UMAD1: variants seen among roughly 807,000 people sequenced by gnomAD.
UMAD1 encodes UBAP1-MVB12-associated (UMA) domain containing 1, also known as UBAP1-MVB12-associated (UMA)-domain containing protein 1.
In UMAD1, 8 loss-of-function variants were observed where a neutral mutation model predicts 6.1. The observed-to-expected ratio is 1.30, with a 90% CI of 0.76 to 2.35. The LOEUF is 2.35. Among genes scored for constraint, UMAD1 ranks in the 30% most tolerant of loss-of-function variants. The probability of loss-of-function intolerance (pLI) is 0.00; values close to 1 mark genes in which losing one functional copy is unlikely to be tolerated. For synonymous variants in UMAD1, 56 were observed against 31.4 expected, an observed-to-expected ratio of 1.78 and a Z score of -2.61; for missense variants, 130 against 78.4, an observed-to-expected ratio of 1.66 and a Z score of -2.49.
rs143802549 is a variant in UMAD1, at chr7:7,649,022, G to C, written c.-64+8201G>C. 9.7e-3 allele frequency among the ~76,000 whole-genome samples: 1,473 copies of C among 152,112 alleles called. 32 individuals carry two copies. The highest frequency in any genetic ancestry group is 0.034 in the African/African-American group (1,416 of 41,480). ...AAAGTACAAAAATTAGCCAGGCATG[G>C]TGGCGGATGCCTGTAATCCCAGCTA... is the stretch of plus-strand genomic sequence containing the variant. On this transcript the variant is annotated intron_variant, in intron 1 of 3. Coordinates refer to ENST00000682710, the MANE Select transcript of UMAD1 (RefSeq NM_001302348.2).
intron 2 of UMAD1, among the ~76,000 whole-genome samples, chr7:7,758,375 C>T (rs1449450383): frequency 6.6e-6 from 1 of 152,038 alleles, no homozygotes; most frequent in Non-Finnish European, 1.5e-5. Flanking sequence ...TAGCGAAGAT[C>T]TTAAGAAAGT....
intron 3 of UMAD1, among the ~76,000 whole-genome samples, chr7:7,826,512 A>G (rs764166361): frequency 6.6e-6 from 1 of 152,020 alleles, no homozygotes; most frequent in Non-Finnish European, 1.5e-5. Context: ...ACTTCCCACC[A>G]TTTGTTATTT....
intron 3 of UMAD1, among the ~76,000 whole-genome samples, chr7:7,870,451 A>T (rs955388400): frequency 2.6e-5 from 4 of 152,204 alleles, no homozygotes; most frequent in African/African-American, 9.6e-5. Flanking sequence ...CAAAAGGTTA[A>T]TTGAGTCTTT....
At chr7:7,809,426 A>C (rs146376435) in intron 3 of UMAD1, among the ~76,000 whole-genome samples, 5 of 151,844 alleles carry the variant, frequency 3.3e-5, no homozygotes, top group African/African-American at 1.2e-4. Context: ...TTTTTAATGG[A>C]CAAGTAATAA....
At chr7:7,784,831 G>C (rs527604319) in intron 2 of UMAD1, among the ~76,000 whole-genome samples, 1 of 138,046 alleles carries the variant, frequency 7.2e-6, no homozygotes, top group African/African-American at 2.9e-5. Context: ...GCGCGATCTC[G>C]GCTCGCTGCA....
intron 1 of UMAD1, among the ~76,000 whole-genome samples, chr7:7,657,737 A>G (rs1785377099): frequency 6.6e-6 from 1 of 152,104 alleles, no homozygotes; most frequent in Non-Finnish European, 1.5e-5. Context: ...GTTTGAAGTC[A>G]GGTAGTGTGA....
chr7:7,663,109 T>C (rs967375349), intron 1 of UMAD1, among the ~76,000 whole-genome samples: 1 of 151,964 alleles, frequency 6.6e-6, no homozygotes, highest in East Asian at 1.9e-4. Context: ...TTAGTTACCA[T>C]GTATAATGCT....
intron 3 of UMAD1, among the ~76,000 whole-genome samples, chr7:7,876,727 G>A (rs1303923169): frequency 1.3e-5 from 2 of 152,162 alleles, no homozygotes; most frequent in Non-Finnish European, 2.9e-5. Context: ...ATAGTAAAGT[G>A]TGCAAGGTTG....
intron 3 of UMAD1, among the ~76,000 whole-genome samples, chr7:7,847,100 AAAAAATATATAT>A (rs1343563184): frequency 1.3e-4 from 5 of 38,432 alleles, no homozygotes; most frequent in African/African-American, 1.8e-4. Flanking sequence ...AAAAAAAAAA[AAAAAATATATAT>A]ATATATATAT....
chr7:7,764,330 A>G (rs191177233), intron 2 of UMAD1, among the ~76,000 whole-genome samples: 1 of 152,352 alleles, frequency 6.6e-6, no homozygotes, highest in East Asian at 1.9e-4. Flanking sequence ...CTGAAAGAAT[A>G]GAAGCTGCAG....
chr7:7,762,400 C>T (rs1366964698), intron 2 of UMAD1, among the ~76,000 whole-genome samples: 1 of 152,200 alleles, frequency 6.6e-6, no homozygotes, highest in Non-Finnish European at 1.5e-5. Context: ...TTCTTGCTAA[C>T]ATTCTTACCA....
chr7:7,734,586 T>C (rs1197374192), intron 2 of UMAD1, among the ~76,000 whole-genome samples: 2 of 152,176 alleles, frequency 1.3e-5, no homozygotes, highest in Admixed American at 1.3e-4. Context: ...ATATAAATTT[T>C]ACTGTACATT....
intron 2 of UMAD1, among the ~76,000 whole-genome samples, chr7:7,791,052 T>G (rs1369509999): frequency 6.6e-6 from 1 of 152,122 alleles, no homozygotes; most frequent in Admixed American, 6.5e-5. Flanking sequence ...ACCACACCTC[T>G]AATTTTTGTA....
intron 3 of UMAD1, among the ~76,000 whole-genome samples, chr7:7,811,816 T>C (rs1349815874): frequency 6.6e-6 from 1 of 152,212 alleles, no homozygotes; most frequent in Non-Finnish European, 1.5e-5. Flanking sequence ...CAAAAATTAC[T>C]TCAAAGATTC....
chr7:7,825,620 G>A (rs1783323900), intron 3 of UMAD1, among the ~76,000 whole-genome samples: 1 of 152,114 alleles, frequency 6.6e-6, no homozygotes, highest in South Asian at 2.1e-4. Flanking sequence ...CCCACAACAT[G>A]TGGGAATTCA....
chr7:7,828,749 TC>T (rs1783399790), intron 3 of UMAD1, among the ~76,000 whole-genome samples: 4 of 151,992 alleles, frequency 2.6e-5, no homozygotes, highest in Non-Finnish European at 5.9e-5. Context: ...CCAGTGCTCC[TC>T]CTCCTCCTCC....
intron 3 of UMAD1, among the ~76,000 whole-genome samples, chr7:7,846,503 A>G (rs1783784610): frequency 6.6e-6 from 1 of 152,168 alleles, no homozygotes; most frequent in East Asian, 1.9e-4. Context: ...TGTTCATAAA[A>G]TATCACATGT....
intron 2 of UMAD1, among the ~76,000 whole-genome samples, chr7:7,690,255 C>T (rs966431519): frequency 2.6e-5 from 4 of 151,982 alleles, no homozygotes; most frequent in Admixed American, 6.6e-5. Context: ...ATTTCCAAAA[C>T]GCTGAAGGCA....
At chr7:7,856,964 C>G (rs1422468761) in intron 3 of UMAD1, among the ~76,000 whole-genome samples, 1 of 152,174 alleles carries the variant, frequency 6.6e-6, no homozygotes, top group African/African-American at 2.4e-5. Flanking sequence ...AATTTTTCAA[C>G]TTGTGATTTG....
Sources: allele counts gnomAD v4.1 joint callset (sites outside exome capture counted in the v4.1 genomes callset), GRCh38; gene constraint gnomAD v4.1.1; transcripts MANE v1.5; gene names NCBI Gene and HGNC (gene_info 2026-07-23, HGNC 2026-07-21).